Variants in RTN1 observed in about 807,000 individuals in gnomAD.
RTN1 encodes the protein reticulon-1.
In RTN1, 25 loss-of-function variants were observed where a neutral mutation model predicts 65.5. The ratio of observed to expected loss-of-function variants is 0.38; its 90% CI spans 0.28 to 0.53. RTN1 has a LOEUF of 0.53. Ranked by LOEUF, RTN1 falls within the 20% of genes least tolerant of loss-of-function variation. The pLI is 0.79. For synonymous variants in RTN1, 471 were observed against 447.6 expected (o/e 1.05, Z -0.66); for missense variants, 983 against 1,025.4 (o/e 0.96, Z 0.57).
intron 1 of RTN1, among the ~76,000 whole-genome samples, chr14:59,818,469 C>A (rs1001070388): frequency 6.6e-6 from 1 of 152,132 alleles, no homozygotes; most frequent in African/African-American, 2.4e-5. Flanking sequence ...TCACACAGTG[C>A]CTGAGACAGA....
intron 2 of RTN1, among the ~76,000 whole-genome samples, chr14:59,744,274 A>G (rs956644646): frequency 5.3e-5 from 8 of 152,130 alleles, no homozygotes; most frequent in Admixed American, 1.3e-4. Flanking sequence ...GCTCTTTGGG[A>G]TATGGTAGAA....
chr14:59,756,361 G>C (rs1885636700), intron 1 of RTN1, among the ~76,000 whole-genome samples: 5 of 152,098 alleles, frequency 3.3e-5, no homozygotes, highest in Admixed American at 3.3e-4. Flanking sequence ...ATCCTATATA[G>C]ACATTCCTTT....
At position 59,745,886 on chromosome 14, in the gene RTN1, G is replaced by T. The variant is rs776753180; in HGVS notation, c.837C>A (p.Thr279=). 33 of 1,614,066 alleles carry T rather than the reference G, an allele frequency of 2.0e-5. No homozygotes were observed. Among genetic ancestry groups the T allele is most frequent in the Non-Finnish European group, 2.6e-5 (31 of 1,180,014 alleles). ...TTTCCGTCAGTGTGATTTTGACAGG[G>T]GTGGTGATCTGAGGAGCCCTGCGCT... ...EEQRRAPQIT[T]PVKITLTEIE... Residue 279 remains threonine, a synonymous_variant, in exon 2 of 9, where the codon ACC becomes ACA. Transcript: ENST00000267484.
chr14:59,864,879 TG>T (rs764872200), intron 1 of RTN1, among the ~76,000 whole-genome samples: 11 of 150,966 alleles, frequency 7.3e-5, no homozygotes, highest in Non-Finnish European at 1.6e-4. Context: ...TTTATCTTGT[TG>T]CTTTTGAATA....
intron 1 of RTN1, among the ~76,000 whole-genome samples, chr14:59,795,627 GC>G (rs1256649295): frequency 6.6e-6 from 1 of 152,156 alleles, no homozygotes; most frequent in Non-Finnish European, 1.5e-5. Context: ...TGAACAAGTT[GC>G]CGGTGCCAAG....
chr14:59,807,406 G>A (rs890857733), intron 1 of RTN1, among the ~76,000 whole-genome samples: 4 of 152,116 alleles, frequency 2.6e-5, no homozygotes, highest in African/African-American at 9.7e-5. Context: ...TTTAGGGATG[G>A]GTGTAATCTA....
rs1044544687 is a variant in RTN1, at chr14:59,749,941, ATATATT to A, written c.242-3466_242-3461del. Among the ~76,000 whole-genome samples the A allele has an allele frequency of 1.5e-4, 17 of 110,564 alleles. No homozygotes were observed. In the South Asian group the frequency reaches 2.6e-3, roughly 17 times the overall value. 72.5% of individuals were successfully genotyped at this position (110,564 alleles called of 152,430 possible). The stretch of plus-strand genomic sequence containing the variant: ...CTCTTCCTCCTTGGTTCAAATATAT[ATATATT>A]TATATGTTATATATATATTATATAC... On this transcript the variant is annotated intron_variant, in intron 1 of 8. Transcript: ENST00000267484.
chr14:59,667,255 T>C (rs1242907063), intron 3 of RTN1, among the ~76,000 whole-genome samples: 4 of 152,164 alleles, frequency 2.6e-5, no homozygotes, highest in Non-Finnish European at 5.9e-5. Flanking sequence ...AAAAAGCTTA[T>C]CCACCACGAT....
intron 1 of RTN1, among the ~76,000 whole-genome samples, chr14:59,771,548 C>G (rs1217067269): frequency 6.6e-6 from 1 of 152,184 alleles, no homozygotes; most frequent in African/African-American, 2.4e-5. Context: ...TCCCACATCC[C>G]TCATACACAT....
chr14:59,783,122 C>G (rs907702100), intron 1 of RTN1, among the ~76,000 whole-genome samples: 5 of 152,210 alleles, frequency 3.3e-5, no homozygotes, highest in African/African-American at 1.2e-4. Context: ...TCCAAGAACA[C>G]TCAGTTAGTG....
At chr14:59,761,465 T>C (rs1412782352) in intron 1 of RTN1, among the ~76,000 whole-genome samples, 1 of 152,220 alleles carries the variant, frequency 6.6e-6, no homozygotes, top group East Asian at 1.9e-4. Context: ...TGCCTTCTGC[T>C]ATGATTGTGA....
intron 3 of RTN1, among the ~76,000 whole-genome samples, chr14:59,703,646 T>G (rs1884228229): frequency 6.6e-6 from 1 of 152,260 alleles, no homozygotes; most frequent in Admixed American, 6.5e-5. Flanking sequence ...TTATTGTTCT[T>G]GTCTTTCTCC....
intron 1 of RTN1, among the ~76,000 whole-genome samples, chr14:59,831,480 G>A (rs1368117059): frequency 6.6e-6 from 1 of 152,132 alleles, no homozygotes; most frequent in Non-Finnish European, 1.5e-5. Context: ...CCTTCAGACT[G>A]GAACTACATC....
At chr14:59,806,153 T>A (rs971755565) in intron 1 of RTN1, among the ~76,000 whole-genome samples, 1 of 151,936 alleles carries the variant, frequency 6.6e-6, no homozygotes, top group African/African-American at 2.4e-5. Context: ...GGAGAATCAC[T>A]CGAACCTGGG....
intron 1 of RTN1, among the ~76,000 whole-genome samples, chr14:59,863,707 A>G (rs945935386): frequency 6.6e-6 from 1 of 152,168 alleles, no homozygotes; most frequent in Non-Finnish European, 1.5e-5. Flanking sequence ...CTTACTTGAC[A>G]TCTCCACTTG....
At chr14:59,859,210 T>C (rs979250113) in intron 1 of RTN1, among the ~76,000 whole-genome samples, 5 of 152,210 alleles carry the variant, frequency 3.3e-5, no homozygotes, top group African/African-American at 1.2e-4. Context: ...CCAAATCTCA[T>C]CTTGAATTCC....
intron 1 of RTN1, among the ~76,000 whole-genome samples, chr14:59,812,879 A>C (rs1886754355): frequency 6.6e-6 from 1 of 152,238 alleles, no homozygotes; most frequent in South Asian, 2.1e-4. Context: ...AGAGTGGTCA[A>C]GAAAATCTTC....
chr14:59,747,540 A>T (rs944928315), intron 1 of RTN1, among the ~76,000 whole-genome samples: 6 of 152,168 alleles, frequency 3.9e-5, no homozygotes, highest in African/African-American at 1.4e-4. Flanking sequence ...ACCCAGGAGG[A>T]GGTTGCGGTA....
At chr14:59,675,443 T>TG (rs1566681575) in intron 3 of RTN1, among the ~76,000 whole-genome samples, 1,367 of 128,318 alleles carry the variant, frequency 0.011, 43 homozygotes, top group African/African-American at 0.052. Context: ...CCTATAGGAC[T>TG]TGGGGGGGGG....
Sources: gnomAD v4.1 joint callset for allele counts (sites outside exome capture counted in the v4.1 genomes callset) on GRCh38, gnomAD v4.1.1 for gene constraint, MANE v1.5 for transcripts, NCBI Gene and HGNC (gene_info 2026-07-23, HGNC 2026-07-21) for gene names.